Variants in HSPA12A observed in about 807,000 individuals in gnomAD.
The protein encoded by HSPA12A is heat shock 70 kDa protein 12A.
HSPA12A carries 28 observed loss-of-function variants against 69.2 expected under a neutral mutation model. The observed-to-expected ratio is 0.40, with a 90% CI of 0.30 to 0.55. The LOEUF is 0.55. Among genes scored for constraint, HSPA12A ranks in the 20% least tolerant of loss-of-function variants. The pLI, the probability that HSPA12A is intolerant of heterozygous loss-of-function variation, is 0.38. For synonymous variants in HSPA12A, 345 were observed against 370.5 expected (o/e 0.93, Z 0.79); for missense variants, 686 against 900.7 (o/e 0.76, Z 3.05).
intron 2 of HSPA12A, among the ~76,000 whole-genome samples, chr10:116,754,730 A>G (rs1318946841): frequency 6.6e-6 from 1 of 152,246 alleles, no homozygotes; most frequent in Non-Finnish European, 1.5e-5. Context: ...TTCTGTGTGT[A>G]TATGGTTAAA....
chr10:116,731,330 C>G (rs1000425913), intron 1 of HSPA12A, among the ~76,000 whole-genome samples: 1 of 152,186 alleles, frequency 6.6e-6, no homozygotes, highest in African/African-American at 2.4e-5. Context: ...GCTGCCAGGT[C>G]TAGGAGGGGA....
chr10:116,841,633 G>A (rs1294160100), intron 1 of HSPA12A, among the ~76,000 whole-genome samples: 1 of 152,002 alleles, frequency 6.6e-6, no homozygotes, highest in Non-Finnish European at 1.5e-5. Flanking sequence ...ATAATTTATA[G>A]ATGTTTGTCA....
chr10:116,744,858 G>A (rs976071954), upstream of HSPA12A, among the ~76,000 whole-genome samples: 5 of 152,312 alleles, frequency 3.3e-5, no homozygotes, highest in African/African-American at 1.2e-4. Flanking sequence ...GGCTCAGCAC[G>A]CCACATCAAG....
Position 116,671,962 on chromosome 10 carries a change from G to C in HSPA12A, c.*2819C>G, listed in dbSNP as rs1376364059. ...TTTCATTTAAGGACTCTGACAACTGGGGCTGCAGCTCTGTGGCCAGAAGAT... is the reference window on the plus strand; with the variant it reads ...TTTCATTTAAGGACTCTGACAACTGCGGCTGCAGCTCTGTGGCCAGAAGAT... On this transcript the variant is annotated 3_prime_UTR_variant, in exon 12 of 12. Transcript: ENST00000369209. 1 of 152,292 alleles carries C rather than the reference G, an allele frequency of 6.6e-6. No homozygotes were observed. Among genetic ancestry groups the C allele is most frequent in the Non-Finnish European group, 1.5e-5 (1 of 68,042 alleles). The allele number at this position is 152,292 out of a possible 1,614,324, so 9.4% of individuals were successfully genotyped here.
chr10:116,679,820 G>T, intron 9 of HSPA12A, 59 bp from the exon 10 acceptor site: 1 of 1,578,718 alleles, frequency 6.3e-7, no homozygotes, highest in Non-Finnish European at 8.6e-7. Context: ...ACCCAATCCA[G>T]ACTCTGAGAA....
chr10:116,750,149 C>T (rs1330140030), intron 2 of HSPA12A: 5 of 598,214 alleles, frequency 8.4e-6, no homozygotes, highest in Non-Finnish European at 1.2e-5. Flanking sequence ...TCATGAGCTA[C>T]CAAAACATGG....
intron 1 of HSPA12A, among the ~76,000 whole-genome samples, chr10:116,841,884 AACAAC>A (rs1479024740): frequency 1.3e-5 from 2 of 152,154 alleles, no homozygotes; most frequent in African/African-American, 4.8e-5. Context: ...AAAAAGAGAA[AACAAC>A]ACCATAATGA....
chr10:116,775,200 C>A (rs990766353), intron 2 of HSPA12A, among the ~76,000 whole-genome samples: 3 of 152,338 alleles, frequency 2.0e-5, no homozygotes, highest in Non-Finnish European at 2.9e-5. Flanking sequence ...TATCAGTTAT[C>A]CCACCACTCA....
At chr10:116,770,365 G>A (rs1295049588) in intron 2 of HSPA12A, among the ~76,000 whole-genome samples, 1 of 152,222 alleles carries the variant, frequency 6.6e-6, no homozygotes, top group African/African-American at 2.4e-5. Flanking sequence ...ATGTGGGGAG[G>A]TCCCGCAGAG....
At chr10:116,694,688 T>C (rs782165152) in intron 5 of HSPA12A, among the ~76,000 whole-genome samples, 1 of 152,164 alleles carries the variant, frequency 6.6e-6, no homozygotes, top group Non-Finnish European at 1.5e-5. Context: ...CTGTGCGCTC[T>C]GCACTCTCTG....
At chr10:116,778,966 A>G (rs558514395) in intron 2 of HSPA12A, among the ~76,000 whole-genome samples, 2 of 152,228 alleles carry the variant, frequency 1.3e-5, no homozygotes, top group East Asian at 3.9e-4. Context: ...AGAAACAGAA[A>G]GAAGTCCATG....
chr10:116,704,674 A>G (rs1850188241), intron 3 of HSPA12A, among the ~76,000 whole-genome samples: 2 of 152,348 alleles, frequency 1.3e-5, no homozygotes, highest in South Asian at 4.1e-4. Context: ...ATTTTACTAC[A>G]CAGTAAGCAC....
rs892520877 is a variant in HSPA12A, at chr10:116,835,032, G to C, written c.4-10C>G. 3 of 1,227,902 alleles carry C rather than the reference G, an allele frequency of 2.4e-6. No individual in the cohort carries two copies. In the African/African-American group the frequency reaches 4.7e-5, roughly 19 times the overall value. 76.1% of individuals were successfully genotyped at this position (1,227,902 alleles called of 1,614,324 possible). ...CGCCAACACTCTCCATCTGTAGGAG[G>C]GGGGAAAAGAGTTGCACTGTGAAAA... is the stretch of plus-strand genomic sequence containing the variant. On this transcript the variant is annotated splice_polypyrimidine_tract_variant and intron_variant, in intron 1 of 12. Transcript: ENST00000635765.
At chr10:116,748,235 G>A (rs1851695265) in intron 2 of HSPA12A, among the ~76,000 whole-genome samples, 1 of 152,218 alleles carries the variant, frequency 6.6e-6, no homozygotes, top group Non-Finnish European at 1.5e-5. Flanking sequence ...CTGCACAGTT[G>A]TGTTCTTCCT....
chr10:116,718,657 T>C (rs1850681761), intron 1 of HSPA12A, among the ~76,000 whole-genome samples: 1 of 152,134 alleles, frequency 6.6e-6, no homozygotes, highest in Admixed American at 6.5e-5. Context: ...GCTATTTTCT[T>C]ACCACAAAGG....
At chr10:116,687,039 A>G (rs1319785058) in intron 6 of HSPA12A, among the ~76,000 whole-genome samples, 1 of 152,178 alleles carries the variant, frequency 6.6e-6, no homozygotes, top group African/African-American at 2.4e-5. Flanking sequence ...AAAATTCTAC[A>G]ACTCGAGGGC....
At chr10:116,791,800 C>T (rs1844706735) in intron 2 of HSPA12A, among the ~76,000 whole-genome samples, 1 of 152,074 alleles carries the variant, frequency 6.6e-6, no homozygotes, top group Non-Finnish European at 1.5e-5. Flanking sequence ...CTCTCCTCTT[C>T]CACGGGCATG....
At position 116,711,676 on chromosome 10, in the gene HSPA12A, T is replaced by TTC. The variant is rs1481464953; in HGVS notation, c.41-4392_41-4391insGA. 7.4e-5 allele frequency among the ~76,000 whole-genome samples: 11 copies of TTC among 147,672 alleles called. No homozygotes were observed. The East Asian group carries it at 2.2e-3, about 29-fold the overall frequency. ...CTCTTTCTTTTTTTTTCTTTTTTTT[T>TTC]TTTTTCGAGACTGAGTCTCGCTCTG... is the stretch of plus-strand genomic sequence containing the variant. On this transcript the variant is annotated intron_variant, in intron 1 of 11. Coordinates refer to ENST00000369209, the MANE Select transcript of HSPA12A (RefSeq NM_025015.3).
At chr10:116,848,314 T>C (rs1250634230) in intron 1 of HSPA12A, among the ~76,000 whole-genome samples, 3 of 152,166 alleles carry the variant, frequency 2.0e-5, no homozygotes, top group East Asian at 1.9e-4. Context: ...CGGAGGAAGT[T>C]TGGAAGGTGC....
Sources: allele counts gnomAD v4.1 joint callset (sites outside exome capture counted in the v4.1 genomes callset), GRCh38; gene constraint gnomAD v4.1.1; transcripts MANE v1.5; gene names NCBI Gene and HGNC (gene_info 2026-07-23, HGNC 2026-07-21).